The following CACNG3 variants were observed in gnomAD, a reference collection of about 807,000 sequenced individuals.
CACNG3 encodes the protein voltage-dependent calcium channel gamma-3 subunit.
Under a neutral mutation model 28.5 loss-of-function variants are expected in CACNG3, and 3 were observed. That is an observed-to-expected ratio of 0.11 (90% CI 0.05 to 0.27). CACNG3 has a LOEUF of 0.27. Among genes scored for constraint, CACNG3 ranks in the 10% least tolerant of loss-of-function variants. The pLI is 1.00. For synonymous variants in CACNG3, 174 were observed against 162.2 expected, an observed-to-expected ratio of 1.07 and a Z score of -0.55; for missense variants, 236 against 414.4, an observed-to-expected ratio of 0.57 and a Z score of 3.74.
intron 1 of CACNG3, among the ~76,000 whole-genome samples, chr16:24,286,843 G>A (rs925676775): frequency 7.2e-5 from 11 of 152,164 alleles, no homozygotes; most frequent in African/African-American, 2.4e-4. Context: ...CGCTCTTAAC[G>A]ACTGTGTGGG....
At chr16:24,292,502 C>A (rs952113136) in intron 1 of CACNG3, among the ~76,000 whole-genome samples, 5 of 152,138 alleles carry the variant, frequency 3.3e-5, no homozygotes, top group African/African-American at 7.2e-5. Flanking sequence ...AGGGTCCATG[C>A]CAGTTTCCTT....
chr16:24,312,707 A>G (rs1212011675), intron 1 of CACNG3, among the ~76,000 whole-genome samples: 1 of 151,788 alleles, frequency 6.6e-6, no homozygotes, highest in African/African-American at 2.4e-5. Flanking sequence ...AGTCCCAGCT[A>G]CTTGGGAGAC....
chr16:24,291,994 A>C (rs766380492), intron 1 of CACNG3, among the ~76,000 whole-genome samples: 1 of 152,094 alleles, frequency 6.6e-6, no homozygotes, highest in Non-Finnish European at 1.5e-5. Context: ...AGGATGAGCC[A>C]GTGGGGAGAG....
chr16:24,325,597 G>A (rs1469718837), intron 1 of CACNG3, among the ~76,000 whole-genome samples: 1 of 152,232 alleles, frequency 6.6e-6, no homozygotes, highest in Non-Finnish European at 1.5e-5. Context: ...TATGCAGCAC[G>A]GGCTGGTGAT....
chr16:24,288,994 C>G, intron 1 of CACNG3, among the ~76,000 whole-genome samples: 1 of 152,144 alleles, frequency 6.6e-6, no homozygotes, highest in East Asian at 1.9e-4. Context: ...GACAGTTACC[C>G]AACTGGAAGC....
chr16:24,267,411 A>C (rs1220270178), intron 1 of CACNG3, among the ~76,000 whole-genome samples: 1 of 151,972 alleles, frequency 6.6e-6, no homozygotes, highest in African/African-American at 2.4e-5. Context: ...CCACAGTCCC[A>C]TGAGTAGCTG....
At chr16:24,349,539 G>T (rs1417896570) in intron 2 of CACNG3, among the ~76,000 whole-genome samples, 1 of 152,180 alleles carries the variant, frequency 6.6e-6, no homozygotes, top group Non-Finnish European at 1.5e-5. Flanking sequence ...GGAACTGAGG[G>T]TTCCTCCCAC....
chr16:24,336,930 T>C (rs1037661968), intron 1 of CACNG3, among the ~76,000 whole-genome samples: 4 of 152,224 alleles, frequency 2.6e-5, no homozygotes, highest in East Asian at 1.9e-4. Context: ...TCCTCCCACC[T>C]TGGCTTTCTG....
intron 1 of CACNG3, among the ~76,000 whole-genome samples, chr16:24,315,821 G>A (rs971258278): frequency 1.3e-5 from 2 of 152,078 alleles, no homozygotes; most frequent in South Asian, 2.1e-4. Context: ...ACAATGCCCA[G>A]CTAATTTTTG....
chr16:24,271,758 C>T (rs1898694175), intron 1 of CACNG3, among the ~76,000 whole-genome samples: 1 of 152,042 alleles, frequency 6.6e-6, no homozygotes. Flanking sequence ...TAGAGTGCAC[C>T]CAGGTGAGCA....
At chr16:24,334,321 G>A (rs570284508) in intron 1 of CACNG3, among the ~76,000 whole-genome samples, 1 of 152,288 alleles carries the variant, frequency 6.6e-6, no homozygotes, top group Admixed American at 6.5e-5. Flanking sequence ...TTTATGGGTT[G>A]GAGCAGGTTC....
At chr16:24,312,472 ATGGG>A (rs1899277245) in intron 1 of CACNG3, among the ~76,000 whole-genome samples, 1 of 152,088 alleles carries the variant, frequency 6.6e-6, no homozygotes, top group South Asian at 2.1e-4. Flanking sequence ...GTAAAAAAAA[ATGGG>A]TGATAATAAT....
rs796906155 is a variant in CACNG3 at position 24,330,036 on chromosome 16, C to CA, written c.212-16689dup. On this transcript the variant is annotated intron_variant, in intron 1 of 3. Coordinates refer to ENST00000005284, the MANE Select transcript of CACNG3 (RefSeq NM_006539.4). ...TGGGCAACAGAGTGAGACTGTGTCT[C>CA]AAAAAAAAAGAAAAAATAAAAGAAA... Among the ~76,000 whole-genome samples the CA allele has an allele frequency of 2.6e-3, 378 of 147,446 alleles. 1 individual carries two copies. Among genetic ancestry groups the CA allele is most frequent in the African/African-American group, 8.5e-3 (341 of 40,118 alleles).
At chr16:24,281,695 G>A (rs748614386) in intron 1 of CACNG3, among the ~76,000 whole-genome samples, 13 of 152,104 alleles carry the variant, frequency 8.5e-5, no homozygotes, top group African/African-American at 1.2e-4. Context: ...AAGTAGGAGG[G>A]GCATAGATCC....
At chr16:24,318,111 C>T (rs1210650748) in intron 1 of CACNG3, among the ~76,000 whole-genome samples, 2 of 152,200 alleles carry the variant, frequency 1.3e-5, no homozygotes, top group African/African-American at 4.8e-5. Context: ...TTCACAAAGG[C>T]AGGAGCTTTG....
At chr16:24,356,887 C>A (rs139178787) in intron 3 of CACNG3, among the ~76,000 whole-genome samples, 1 of 151,920 alleles carries the variant, frequency 6.6e-6, no homozygotes, top group Non-Finnish European at 1.5e-5. Flanking sequence ...TGGTGGAAGG[C>A]GAAGGAGGAG....
chr16:24,326,619 C>G (rs936999524), intron 1 of CACNG3, among the ~76,000 whole-genome samples: 2 of 152,242 alleles, frequency 1.3e-5, no homozygotes, highest in African/African-American at 4.8e-5. Flanking sequence ...TGCTCACCCT[C>G]TTAGCCAACC....
In CACNG3 at chr16:24,347,475, A is replaced by C. The variant is rs563362625; in HGVS notation, c.295+658A>C. 2.0e-5 allele frequency among the ~76,000 whole-genome samples: 3 copies of C among 152,286 alleles called. No homozygotes were observed. In the East Asian group the frequency reaches 5.8e-4, roughly 29 times the overall value. ...GTCAGTTTAGGAGAAAAATCTAAGG[A>C]ACTTTCTCTAACTTGAATGCAAGTT... On this transcript the variant is annotated intron_variant, in intron 2 of 3. Coordinates refer to ENST00000005284, the MANE Select transcript of CACNG3 (RefSeq NM_006539.4).
chr16:24,321,229 G>A (rs942188600), intron 1 of CACNG3, among the ~76,000 whole-genome samples: 3 of 152,080 alleles, frequency 2.0e-5, no homozygotes, highest in Non-Finnish European at 2.9e-5. Context: ...CAGCACTTTG[G>A]GAGGCTGAGG....
Sources: gnomAD v4.1 joint callset for allele counts (sites outside exome capture counted in the v4.1 genomes callset) on GRCh38, gnomAD v4.1.1 for gene constraint, MANE v1.5 for transcripts, NCBI Gene and HGNC (gene_info 2026-07-23, HGNC 2026-07-21) for gene names.